AGAP5: variants seen among roughly 807,000 people sequenced by gnomAD.
The protein encoded by AGAP5 is arf-GAP with GTPase, ANK repeat and PH domain-containing protein 5.
In AGAP5, 8 loss-of-function variants were observed where a neutral mutation model predicts 27.7. That is an observed-to-expected ratio of 0.29 (90% CI 0.17 to 0.52). AGAP5 has a LOEUF of 0.52. Among genes scored for constraint, AGAP5 ranks in the 20% least tolerant of loss-of-function variants. The probability of loss-of-function intolerance (pLI) is 0.97; values close to 1 mark genes in which losing one functional copy is unlikely to be tolerated. For missense variants in AGAP5, 285 were observed against 880.8 expected (o/e 0.32, Z 8.56); for synonymous variants, 111 against 338.0 (o/e 0.33, Z 7.37).
chr10:73,691,780 C>G (rs1321729554), intron 4 of AGAP5, among the ~76,000 whole-genome samples: 1 of 152,152 alleles, frequency 6.6e-6, no homozygotes, highest in Non-Finnish European at 1.5e-5. Flanking sequence ...ACGTTAGCCA[C>G]CATGCCCAGC....
rs1289712481 is a variant in AGAP5, at chr10:73,676,093, G to A, written c.586-19C>T. On this transcript the variant is annotated intron_variant, in intron 7 of 7. Coordinates refer to ENST00000374094, the MANE Select transcript of AGAP5 (RefSeq NM_001144000.4). ...TGGAAACCTGTGTGGAACAGAAGGA[G>A]GAATGGCTTCAAAAATTGGGTAGTG... is the stretch of plus-strand genomic sequence containing the variant. 2 of 1,606,254 alleles carry A rather than the reference G, an allele frequency of 1.2e-6. No individual in the cohort carries two copies. Among genetic ancestry groups the A allele is most frequent in the African/African-American group, 2.7e-5 (2 of 74,454 alleles).
intron 3 of AGAP5, among the ~76,000 whole-genome samples, chr10:73,693,475 A>G (rs1470248714): frequency 6.6e-6 from 1 of 150,834 alleles, no homozygotes; most frequent in Non-Finnish European, 1.5e-5. Flanking sequence ...AAGCGGGTAG[A>G]TCACTTGAGG....
intron 4 of AGAP5, among the ~76,000 whole-genome samples, chr10:73,690,445 T>G (rs1482328804): frequency 1.6e-4 from 25 of 152,142 alleles, no homozygotes; most frequent in African/African-American, 6.0e-4. Flanking sequence ...CTCCCTAATC[T>G]GAAGTACCCA....
Position 73,675,688 on chromosome 10 carries a change from C to T in AGAP5, c.972G>A (p.Lys324=), listed in dbSNP as rs1322432872. ...TYYSSLGDYM[K]NIHKKEIDLR... is the part of the protein sequence containing the mutation. ...GGTCAATCTCTTTTTTATGAATATT[C>T]TTCATATAATCACCTAAGCTTGAAT... The change falls in exon 8 of 8, where the codon AAG becomes AAA. Residue 324 remains lysine (K), a synonymous_variant. Coordinates refer to ENST00000374094, the MANE Select transcript of AGAP5 (RefSeq NM_001144000.4). 1.8e-5 allele frequency: 29 copies of T among 1,613,416 alleles called. No individual in the cohort carries two copies. The East Asian group carries it at 6.5e-4, about 36-fold the overall frequency.
At chr10:73,686,907 G>T (rs28417886) in intron 4 of AGAP5, among the ~76,000 whole-genome samples, 103,818 of 151,900 alleles carry the variant, frequency 0.68, 36,572 homozygotes, top group Middle Eastern at 0.84. Context: ...TTCTCTTTCA[G>T]ATGTGGGAGC....
At chr10:73,686,110 C>T (rs1192533673) in intron 4 of AGAP5, among the ~76,000 whole-genome samples, 1 of 152,088 alleles carries the variant, frequency 6.6e-6, no homozygotes, top group East Asian at 1.9e-4. Context: ...CAAAACTAAG[C>T]AAAAACAACA....
Position 73,697,724 on chromosome 10 carries a change from G to C in AGAP5, c.32C>G (p.Pro11Arg), listed in dbSNP as rs1363915399. The change falls in exon 1 of 8, where the codon CCT (proline) becomes CGT (arginine). Residue 11 changes from proline to arginine, a missense_variant. Transcript: ENST00000374094. The part of the protein sequence containing the change: MGNILTCCVH[P>R]SVSLEFDQQQ... ...CTGGTCAAACTCGAGGCTGACGCTA[G>C]GGTGCACACAACAGGTCAGTATGTT... 5.0e-6 allele frequency: 8 copies of C among 1,597,744 alleles called. No individual in the cohort carries two copies. The highest frequency in any genetic ancestry group is 6.8e-6 in the Non-Finnish European group (8 of 1,179,792).
intron 5 of AGAP5, chr10:73,680,960 T>TGAATTAA (rs2082020395): frequency 7.5e-6 from 1 of 133,358 alleles, no homozygotes; most frequent in Admixed American, 8.1e-5. Flanking sequence ...CCAATGACCT[T>TGAATTAA]ATGTGACATT....
chr10:73,692,035 T>G lies in AGAP5; in HGVS notation c.396+8A>C. On this transcript the variant is annotated splice_region_variant and intron_variant, in intron 4 of 7. Coordinates refer to ENST00000374094, the MANE Select transcript of AGAP5 (RefSeq NM_001144000.4). Reference sequence around the variant, plus strand: ...ATCAATTTCTTAACTATTTGAGTGTTTACTTACATGGTTTGTACAGTTGCT... The same window carrying G: ...ATCAATTTCTTAACTATTTGAGTGTGTACTTACATGGTTTGTACAGTTGCT... 1 of 1,485,232 alleles carries G rather than the reference T, an allele frequency of 6.7e-7. No homozygotes were observed. Among genetic ancestry groups the G allele is most frequent in the South Asian group, 1.2e-5 (1 of 82,500 alleles). 92.0% of individuals were successfully genotyped at this position (1,485,232 alleles called of 1,614,324 possible).
chr10:73,679,105 A>G (rs61866763), intron 6 of AGAP5, among the ~76,000 whole-genome samples: 59,810 of 119,660 alleles, frequency 0.5, 14,871 homozygotes, highest in Middle Eastern at 0.61. Flanking sequence ...CACCCACCTC[A>G]GCCTCCCAAA....
chr10:73,696,205 A>G (rs1020490494), intron 2 of AGAP5, among the ~76,000 whole-genome samples: 1 of 151,932 alleles, frequency 6.6e-6, no homozygotes, highest in African/African-American at 2.4e-5. Context: ...TTTAGTAGAG[A>G]CAGCGTTTCA....
At chr10:73,696,721 T>TCTTTTTC (rs1252366821) in intron 2 of AGAP5, among the ~76,000 whole-genome samples, 1 of 152,258 alleles carries the variant, frequency 6.6e-6, no homozygotes, top group Non-Finnish European at 1.5e-5. Context: ...CACTCTTTTT[T>TCTTTTTC]CTTTTTCCTT....
chr10:73,676,291 C>CAAAAAAAAAA (rs371426814), intron 7 of AGAP5, among the ~76,000 whole-genome samples: 3 of 71,800 alleles, frequency 4.2e-5, no homozygotes, highest in Non-Finnish European at 8.8e-5. Flanking sequence ...CCTGTCTTTA[C>CAAAAAAAAAA]AAAAAAAAAA....
intron 7 of AGAP5, among the ~76,000 whole-genome samples, 168 bp from the exon 8 acceptor site, chr10:73,676,242 G>A (rs2081977869): frequency 7.0e-6 from 1 of 143,138 alleles, no homozygotes; most frequent in African/African-American, 2.6e-5. Flanking sequence ...GGATCACGAG[G>A]TCAGGAGTTC....
chr10:73,692,568 T>A (rs1352696463), intron 3 of AGAP5, among the ~76,000 whole-genome samples: 1 of 151,626 alleles, frequency 6.6e-6, no homozygotes, highest in African/African-American at 2.4e-5. Flanking sequence ...TCTACTAATA[T>A]GTCACTAAAA....
chr10:73,692,143 CA>C (rs1286822547), intron 3 of AGAP5, 66 bp from the exon 4 acceptor site: 1 of 793,416 alleles, frequency 1.3e-6, no homozygotes, highest in Admixed American at 3.1e-5. Flanking sequence ...TAGTTGTTAA[CA>C]TCTTACTGAT....
At chr10:73,689,969 C>T (rs1052363120) in intron 4 of AGAP5, among the ~76,000 whole-genome samples, 4 of 151,350 alleles carry the variant, frequency 2.6e-5, no homozygotes, top group African/African-American at 4.9e-5. Context: ...CCAGCCGCCC[C>T]GTCTGGGAGG....
intron 3 of AGAP5, among the ~76,000 whole-genome samples, chr10:73,692,899 C>A (rs184026979): frequency 6.6e-5 from 10 of 151,996 alleles, no homozygotes; most frequent in African/African-American, 1.7e-4. Flanking sequence ...CCCACCTCAG[C>A]CTCCCAAAGA....
At chr10:73,676,473 G>T (rs1182278347) in intron 7 of AGAP5, among the ~76,000 whole-genome samples, 3 of 145,754 alleles carry the variant, frequency 2.1e-5, no homozygotes, top group Non-Finnish European at 4.5e-5. Flanking sequence ...GCTACAGAAA[G>T]AGAGTCCATC....
Sources: gnomAD v4.1 joint callset for allele counts (sites outside exome capture counted in the v4.1 genomes callset) on GRCh38, gnomAD v4.1.1 for gene constraint, MANE v1.5 for transcripts, NCBI Gene and HGNC (gene_info 2026-07-23, HGNC 2026-07-21) for gene names.